MATR3: variants seen among roughly 807,000 people sequenced by gnomAD.
MATR3 encodes matrin 3.
MATR3 carries 4 observed loss-of-function variants against 85.5 expected under a neutral mutation model. The ratio of observed to expected loss-of-function variants is 0.05; its 90% CI spans 0.02 to 0.11. MATR3 has a LOEUF of 0.11. Among genes scored for constraint, MATR3 ranks in the 10% least tolerant of loss-of-function variants. The pLI is 1.00. For missense variants in MATR3, 685 were observed against 1,016.1 expected, an observed-to-expected ratio of 0.67 and a Z score of 4.43; for synonymous variants, 336 against 343.1, an observed-to-expected ratio of 0.98 and a Z score of 0.23.
intron 7 of MATR3, among the ~76,000 whole-genome samples, chr5:139,318,188 CAGTGG>C (rs1220932370): frequency 6.6e-6 from 1 of 152,158 alleles, no homozygotes; most frequent in African/African-American, 2.4e-5. Context: ...GGCTGGAGTG[CAGTGG>C]CGCGATCTCA....
intron 1 of MATR3, among the ~76,000 whole-genome samples, chr5:139,306,793 A>G (rs1343752358): frequency 6.6e-6 from 1 of 152,176 alleles, no homozygotes; most frequent in Admixed American, 6.5e-5. Flanking sequence ...TCTTTCTGAT[A>G]GTGATAATAG....
chr5:139,330,768 T>A lies in MATR3; in HGVS notation c.*1373T>A, dbSNP rs1014195066. 2 of 453,944 alleles carry A rather than the reference T, an allele frequency of 4.4e-6. No homozygotes were observed. Among genetic ancestry groups the A allele is most frequent in the Admixed American group, 2.4e-5 (1 of 42,544 alleles). The allele number at this position is 453,944 out of a possible 1,614,324, so 28.1% of individuals were successfully genotyped here. A position where few individuals can be genotyped will look rare whatever the true frequency, so the allele number is the denominator to read the frequency against. Reference sequence around the variant, plus strand: ...CTTTTCAAAATAATTACGTAGAGACTCTTGGTATATTGGATTATCTGTTGT... The same window carrying A: ...CTTTTCAAAATAATTACGTAGAGACACTTGGTATATTGGATTATCTGTTGT... On this transcript the variant is annotated 3_prime_UTR_variant, in exon 15 of 15. Transcript: ENST00000394805.
intron 1 of MATR3, among the ~76,000 whole-genome samples, chr5:139,299,375 G>C (rs1037192888): frequency 1.3e-5 from 2 of 152,172 alleles, no homozygotes; most frequent in African/African-American, 4.8e-5. Flanking sequence ...ATGAAAGGCA[G>C]TGAAAATTAT....
chr5:139,324,395 G>C (rs978252740), intron 12 of MATR3, among the ~76,000 whole-genome samples: 1 of 147,104 alleles, frequency 6.8e-6, no homozygotes, highest in Non-Finnish European at 1.5e-5. Flanking sequence ...CCAGGTTCAA[G>C]TTCTGCTGCC....
intron 2 of MATR3, chr5:139,278,675 T>C (rs1235103309): frequency 2.4e-6 from 1 of 410,124 alleles, no homozygotes; most frequent in Non-Finnish European, 5.0e-6. Context: ...GGGTCTGCAA[T>C]TAGTGCTTCC....
At chr5:139,290,767 A>G (rs370723172), upstream of MATR3, among the ~76,000 whole-genome samples, 297 of 150,518 alleles carry the variant, frequency 2.0e-3, 5 homozygotes, top group South Asian at 0.025. Flanking sequence ...TTATTTTTCA[A>G]CTCCTGTTAC....
At chr5:139,275,294 G>T (rs1753234405) in intron 1 of MATR3, among the ~76,000 whole-genome samples, 1 of 151,786 alleles carries the variant, frequency 6.6e-6, no homozygotes, top group South Asian at 2.1e-4. Flanking sequence ...ACCGCGCCCG[G>T]CCTAACATTT....
In MATR3 at chr5:139,322,980, A is replaced by C. The variant is rs1561943114; in HGVS notation, c.2148+13A>C. 6.5e-7 allele frequency: 1 copy of C among 1,542,902 alleles called. No individual in the cohort carries two copies. Among genetic ancestry groups the C allele is most frequent in the Admixed American group, 1.7e-5 (1 of 57,874 alleles). On this transcript the variant is annotated intron_variant, in intron 12 of 14. Coordinates refer to ENST00000394805, the MANE Select transcript of MATR3 (RefSeq NM_018834.6). ...AAAGCTTAAAAAGGTAAAGAAAGATACATTGATTTGTTTTAATAGAACATT... is the reference window on the plus strand; with the variant it reads ...AAAGCTTAAAAAGGTAAAGAAAGATCCATTGATTTGTTTTAATAGAACATT...
At chr5:139,312,184 T>C (rs1322629945) in intron 2 of MATR3, 1 of 152,236 alleles carries the variant, frequency 6.6e-6, no homozygotes, top group Non-Finnish European at 1.5e-5. Context: ...TAGCCCACGC[T>C]GAAGTGCGCT....
At chr5:139,314,763 A>C in intron 3 of MATR3, 27 bp downstream of exon 3, 1 of 1,599,150 alleles carries the variant, frequency 6.3e-7, no homozygotes, top group Non-Finnish European at 8.6e-7. Flanking sequence ...CCTTTAAAAC[A>C]TCCTTATCGT....
At chr5:139,306,457 T>A (rs539395492) in intron 1 of MATR3, among the ~76,000 whole-genome samples, 2 of 152,180 alleles carry the variant, frequency 1.3e-5, no homozygotes, top group Non-Finnish European at 2.9e-5. Context: ...CTTCTTTAAA[T>A]CACCTGTATT....
chr5:139,292,776 T>TA (rs1390529673), upstream of MATR3, among the ~76,000 whole-genome samples: 4 of 152,022 alleles, frequency 2.6e-5, no homozygotes, highest in African/African-American at 7.2e-5. Context: ...CCGCCTCTAT[T>TA]AAAAATGCAA....
In MATR3 at chr5:139,326,218, T is replaced by C. The variant is rs778447633; in HGVS notation, c.2427T>C (p.Phe809=). 1.1e-5 allele frequency: 17 copies of C among 1,612,760 alleles called. No individual in the cohort carries two copies. The East Asian group carries it at 1.3e-4, about 13-fold the overall frequency. Residue 809 remains phenylalanine, a synonymous_variant, in exon 14 of 15, where the codon TTT becomes TTC. Coordinates refer to ENST00000394805, the MANE Select transcript of MATR3 (RefSeq NM_018834.6). ...TTTACTGTAAGCTGTGTTCACTCTT[T>C]TATACAAATGAAGAAGTTGCAAAGA... ...TGFYCKLCSL[F]YTNEEVAKNT... is the part of the protein sequence containing the mutation.
chr5:139,276,771 A>G (rs901615517), intron 2 of MATR3, among the ~76,000 whole-genome samples: 3 of 152,222 alleles, frequency 2.0e-5, no homozygotes, highest in Non-Finnish European at 2.9e-5. Context: ...TTTCACTGAA[A>G]TTAAAGTCCA....
intron 3 of MATR3, among the ~76,000 whole-genome samples, chr5:139,286,331 T>C (rs1581205901): frequency 6.6e-6 from 1 of 152,094 alleles, no homozygotes; most frequent in East Asian, 1.9e-4. Flanking sequence ...TAGGCAATCT[T>C]CTTTTTAAAA....
intron 1 of MATR3, among the ~76,000 whole-genome samples, chr5:139,275,947 T>C (rs1269802159): frequency 1.3e-5 from 2 of 152,344 alleles, no homozygotes; most frequent in East Asian, 1.9e-4. Context: ...TGAACTGCTG[T>C]GGTGTATAAG....
At chr5:139,286,843 CAAA>C (rs72412077) in intron 3 of MATR3, among the ~76,000 whole-genome samples, 116 of 135,254 alleles carry the variant, frequency 8.6e-4, no homozygotes, top group Non-Finnish European at 9.6e-4. Flanking sequence ...GACTCCGTCT[CAAA>C]AAAAAAAAAA....
rs1755402380 is a variant in MATR3 at position 139,318,994 on chromosome 5, A to G, written c.1395A>G (p.Pro465=). Residue 465 remains proline, a synonymous_variant, in exon 8 of 15, where the codon CCA becomes CCG. Transcript: ENST00000394805. ...TTTPALVFGK[P]VRVHLSQKYK... ...CACCAGCGTTAGTATTTGGCAAGCC[A>G]GTGAGAGTTCATTTATCCCAGAAGT... 6.2e-7 allele frequency: 1 copy of G among 1,613,934 alleles called. No homozygotes were observed.
intron 8 of MATR3, 35 bp from the exon 9 acceptor site, chr5:139,319,299 C>T: frequency 3.2e-6 from 5 of 1,584,986 alleles, no homozygotes; most frequent in Non-Finnish European, 4.3e-6. Flanking sequence ...ATAATTATTG[C>T]ACATTTGTCC....
Sources: allele counts gnomAD v4.1 joint callset (sites outside exome capture counted in the v4.1 genomes callset), GRCh38; gene constraint gnomAD v4.1.1; transcripts MANE v1.5; gene names NCBI Gene and HGNC (gene_info 2026-07-23, HGNC 2026-07-21).